HDAC4: variants seen among roughly 807,000 people sequenced by gnomAD.
HDAC4 encodes the protein histone deacetylase 4.
Under a neutral mutation model 135.1 loss-of-function variants are expected in HDAC4, and 16 were observed. The ratio of observed to expected loss-of-function variants is 0.12; its 90% CI spans 0.08 to 0.18. The LOEUF is 0.18. Among genes scored for constraint, HDAC4 ranks in the 10% least tolerant of loss-of-function variants. HDAC4 has a pLI of 1.00. For missense variants in HDAC4, 1,143 were observed against 1,511.8 expected (o/e 0.76, Z 4.05); for synonymous variants, 685 against 653.4 (o/e 1.05, Z -0.74).
intron 1 of HDAC4, among the ~76,000 whole-genome samples, chr2:239,382,686 C>A (rs529446590): frequency 2.6e-5 from 4 of 152,180 alleles, no homozygotes; most frequent in Non-Finnish European, 5.9e-5. Flanking sequence ...AAAGCCAGCC[C>A]ACCGTGATGG....
In HDAC4 at chr2:239,156,745, T is replaced by G; in HGVS notation, c.640A>C (p.Ser214Arg). ...GACACTCCGCTCTGGGGTGGAGAAC[T>G]CTGGTCAAGGGAACTGTGCTGCGTT... is the stretch of plus-strand genomic sequence containing the variant. ...GKTQHSSLDQ[S>R]SPPQSGVSTS... The change falls in exon 7 of 27, where the codon AGT becomes CGT. Residue 214 changes from serine to arginine, a missense_variant. Physicochemically the swap from Ser to Arg is moderately radical, Grantham distance 110. This residue lies in a region of HDAC4 where 247 missense variants were observed against 310.0 expected (regional missense o/e 0.80). Coordinates refer to ENST00000543185, the MANE Select transcript of HDAC4 (RefSeq NM_001378414.1). 6.2e-7 allele frequency: 1 copy of G among 1,614,122 alleles called. No individual in the cohort carries two copies. Among genetic ancestry groups the G allele is most frequent in the South Asian group, 1.1e-5 (1 of 91,072 alleles).
chr2:239,171,027 C>T (rs1575280015), intron 5 of HDAC4, among the ~76,000 whole-genome samples: 2 of 152,140 alleles, frequency 1.3e-5, no homozygotes, highest in South Asian at 4.1e-4. Flanking sequence ...AGAAACTTGG[C>T]CACTTCTGGT....
At chr2:239,264,876 C>T (rs1326694246) in intron 2 of HDAC4, among the ~76,000 whole-genome samples, 1 of 152,196 alleles carries the variant, frequency 6.6e-6, no homozygotes, top group African/African-American at 2.4e-5. Context: ...CCTGAAGGCC[C>T]CCATATGCTG....
intron 5 of HDAC4, among the ~76,000 whole-genome samples, chr2:239,165,162 A>G (rs914161136): frequency 2.6e-5 from 4 of 152,140 alleles, no homozygotes; most frequent in Admixed American, 2.6e-4. Flanking sequence ...AGTCCAGGCT[A>G]CAGTGAACCA....
At chr2:239,317,210 G>A (rs763043324) in intron 2 of HDAC4, among the ~76,000 whole-genome samples, 2 of 152,248 alleles carry the variant, frequency 1.3e-5, no homozygotes, top group East Asian at 1.9e-4. Context: ...AGAGCTCCAC[G>A]TCTCCTTGTC....
At chr2:239,085,188 C>T (rs2035815145) in intron 19 of HDAC4, among the ~76,000 whole-genome samples, 1 of 152,120 alleles carries the variant, frequency 6.6e-6, no homozygotes, top group Non-Finnish European at 1.5e-5. Context: ...CCGCCACGCC[C>T]CAGGAGACAT....
At chr2:239,282,443 C>T (rs2050839533) in intron 2 of HDAC4, among the ~76,000 whole-genome samples, 1 of 148,456 alleles carries the variant, frequency 6.7e-6, no homozygotes, top group Non-Finnish European at 1.5e-5. Context: ...GTACACAGCA[C>T]TCTCAATGTA....
rs369775130 is a variant in HDAC4 at position 239,308,811 on chromosome 2, C to T, written c.22+43867G>A. 1.3e-5 allele frequency among the ~76,000 whole-genome samples: 2 copies of T among 152,114 alleles called. No homozygotes were observed. Among genetic ancestry groups the T allele is most frequent in the African/African-American group, 4.8e-5 (2 of 41,438 alleles). ...TACCTGTAGCAGGAGGCTCACGTTC[C>T]GAGTCCTCATTGCTCCCAGACCCAA... is the stretch of plus-strand genomic sequence containing the variant. On this transcript the variant is annotated intron_variant, in intron 2 of 26. Transcript: ENST00000543185. This position sits in a 1 kb window ranked among gnomAD's most constrained non-coding sequence, Gnocchi z 4.2.
intron 22 of HDAC4, among the ~76,000 whole-genome samples, chr2:239,070,116 A>T (rs940334801): frequency 6.6e-6 from 1 of 152,194 alleles, no homozygotes; most frequent in Non-Finnish European, 1.5e-5. Flanking sequence ...CACTGAAGAC[A>T]CGTGCAGTCA....
intron 3 of HDAC4, among the ~76,000 whole-genome samples, chr2:239,196,289 A>G (rs550320734): frequency 4.2e-4 from 64 of 152,276 alleles, no homozygotes; most frequent in African/African-American, 1.5e-3. Context: ...TATGTTTAGT[A>G]AAAGAACAGT....
chr2:239,180,796 C>G (rs2044102211), intron 4 of HDAC4, among the ~76,000 whole-genome samples: 1 of 152,242 alleles, frequency 6.6e-6, no homozygotes, highest in South Asian at 2.1e-4. Context: ...AGTCCCCAGG[C>G]AGAAACCGCC....
chr2:239,283,399 C>T (rs373838562), intron 2 of HDAC4, among the ~76,000 whole-genome samples: 2 of 152,230 alleles, frequency 1.3e-5, no homozygotes, highest in African/African-American at 4.8e-5. Context: ...CAGCAGAAAG[C>T]CTGGTCTCAT....
intron 22 of HDAC4, among the ~76,000 whole-genome samples, chr2:239,078,288 A>G (rs191598932): frequency 7.9e-5 from 12 of 152,270 alleles, no homozygotes; most frequent in African/African-American, 2.9e-4. Flanking sequence ...TCTGGATTTC[A>G]TTAGGGGCAA....
chr2:239,081,436 C>G (rs1421034235), intron 21 of HDAC4, among the ~76,000 whole-genome samples: 1 of 152,242 alleles, frequency 6.6e-6, no homozygotes, highest in East Asian at 1.9e-4. Flanking sequence ...GCCGACCCTG[C>G]CCTTGGCACA....
Position 239,167,030 on chromosome 2 carries a change from C to A in HDAC4, c.491-3107G>T, listed in dbSNP as rs2043158111. ...TGACAGCGACAGTGAGGATGAGGAC[C>A]CAGATGGCCAGTTGTTGGAGGGGAC... On this transcript the variant is annotated intron_variant, in intron 5 of 26. Transcript: ENST00000543185. This position sits in a 1 kb window ranked among gnomAD's most constrained non-coding sequence, Gnocchi z 4.1. Among the ~76,000 whole-genome samples the A allele has an allele frequency of 6.6e-6, 1 of 151,944 alleles. No homozygotes were observed. The highest frequency in any genetic ancestry group is 1.5e-5 in the Non-Finnish European group (1 of 68,024).
At chr2:239,057,175 G>A (rs1056230191) in intron 24 of HDAC4, among the ~76,000 whole-genome samples, 7 of 152,142 alleles carry the variant, frequency 4.6e-5, no homozygotes, top group Non-Finnish European at 8.8e-5. Context: ...TCTGAGGGGG[G>A]ATATGAGGAA....
intron 22 of HDAC4, among the ~76,000 whole-genome samples, chr2:239,074,543 G>T (rs1482831226): frequency 6.6e-6 from 1 of 152,268 alleles, no homozygotes; most frequent in African/African-American, 2.4e-5. Context: ...GTGGGCACTG[G>T]CACGTCGGCC....
chr2:239,073,314 C>T (rs1241424339), intron 22 of HDAC4, among the ~76,000 whole-genome samples: 3 of 152,228 alleles, frequency 2.0e-5, no homozygotes, highest in African/African-American at 2.4e-5. Flanking sequence ...AGGAGCTGTG[C>T]CCCGAGGGCC....
At chr2:239,119,722 C>T (rs1444556193) in intron 12 of HDAC4, among the ~76,000 whole-genome samples, 1 of 152,148 alleles carries the variant, frequency 6.6e-6, no homozygotes, top group Non-Finnish European at 1.5e-5. Flanking sequence ...GAGGGCTCCT[C>T]ACAATGTGGG....
Sources: gnomAD v4.1 joint callset for allele counts (sites outside exome capture counted in the v4.1 genomes callset) on GRCh38, gnomAD v4.1.1 for gene constraint, gnomAD v4.1.1 regional missense constraint, Gnocchi (gnomAD v3.1) non-coding constraint, MANE v1.5 for transcripts, NCBI Gene and HGNC (gene_info 2026-07-23, HGNC 2026-07-21) for gene names.